The following CSGALNACT1 variants were observed in gnomAD, a reference collection of about 807,000 sequenced individuals.
CSGALNACT1 encodes beta4GalNAcT-1.
In CSGALNACT1, 52 loss-of-function variants were observed where a neutral mutation model predicts 51.0. The observed-to-expected ratio is 1.02, with a 90% confidence interval of 0.82 to 1.29. The LOEUF is 1.29. CSGALNACT1 is among the 50% of genes most tolerant of loss of function. The pLI is 0.00. For missense variants in CSGALNACT1, 935 were observed against 679.2 expected, an observed-to-expected ratio of 1.38 and a Z score of -4.19; for synonymous variants, 341 against 254.4, an observed-to-expected ratio of 1.34 and a Z score of -3.24.
intron 4 of CSGALNACT1, among the ~76,000 whole-genome samples, chr8:19,493,871 T>TATAC (rs2074924640): frequency 2.0e-5 from 3 of 149,002 alleles, no homozygotes; most frequent in African/African-American, 7.4e-5. Flanking sequence ...TGTGTGTTTA[T>TATAC]ACACACACAC....
chr8:19,528,030 G>A (rs1315657587), intron 3 of CSGALNACT1, among the ~76,000 whole-genome samples: 2 of 152,136 alleles, frequency 1.3e-5, no homozygotes, highest in African/African-American at 2.4e-5. Flanking sequence ...CCAGGAAGAG[G>A]AAATAAGCCT....
chr8:19,446,126 G>C (rs774794742), intron 5 of CSGALNACT1, among the ~76,000 whole-genome samples: 2 of 152,196 alleles, frequency 1.3e-5, no homozygotes, highest in Non-Finnish European at 2.9e-5. Context: ...AGTGAGCTGA[G>C]ATGGTGCCAG....
chr8:19,741,760 A>G (rs1420247847), intron 1 of CSGALNACT1, among the ~76,000 whole-genome samples: 2 of 152,190 alleles, frequency 1.3e-5, no homozygotes, highest in African/African-American at 4.8e-5. Context: ...GAACTTGTCT[A>G]CAGGAAAAGA....
chr8:19,697,738 G>C (rs748266689), intron 1 of CSGALNACT1, among the ~76,000 whole-genome samples: 2 of 152,130 alleles, frequency 1.3e-5, no homozygotes, highest in Non-Finnish European at 2.9e-5. Context: ...ATGTGGACTT[G>C]AAGGAGCTCA....
At chr8:19,664,358 G>C (rs986219261) in intron 1 of CSGALNACT1, among the ~76,000 whole-genome samples, 3 of 152,194 alleles carry the variant, frequency 2.0e-5, no homozygotes, top group African/African-American at 7.2e-5. Flanking sequence ...AGGAGGTGCA[G>C]AAAAGGCAAC....
At chr8:19,439,374 C>G (rs540589356) in intron 6 of CSGALNACT1, among the ~76,000 whole-genome samples, 5 of 152,298 alleles carry the variant, frequency 3.3e-5, no homozygotes, top group South Asian at 2.1e-4. Context: ...AATGAAAGCC[C>G]AAAGGGTGAG....
chr8:19,407,032 T>A (rs1456735637), intron 9 of CSGALNACT1, among the ~76,000 whole-genome samples: 1 of 152,156 alleles, frequency 6.6e-6, no homozygotes, highest in Non-Finnish European at 1.5e-5. Flanking sequence ...AATGTCCTTT[T>A]TGGGAAGCTG....
At chr8:19,489,394 A>G (rs1472302083) in intron 4 of CSGALNACT1, among the ~76,000 whole-genome samples, 4 of 152,140 alleles carry the variant, frequency 2.6e-5, no homozygotes, top group Non-Finnish European at 4.4e-5. Flanking sequence ...AAAAAATCAA[A>G]CAAAAATTTA....
At chr8:19,404,882 T>C (rs1193080541) in exon 10 of CSGALNACT1, 1 of 454,502 alleles carries the variant, frequency 2.2e-6, no homozygotes, top group South Asian at 1.6e-5. Context: ...TCGAAAATAC[T>C]CTTCAGAGAA....
chr8:19,457,725 A>G, intron 5 of CSGALNACT1: 2 of 1,344,308 alleles, frequency 1.5e-6, no homozygotes, highest in Non-Finnish European at 2.0e-6. Context: ...ATCCTCAGCC[A>G]ATATGTGCAT....
chr8:19,563,006 A>G (rs1362596967), intron 3 of CSGALNACT1, among the ~76,000 whole-genome samples: 1 of 152,228 alleles, frequency 6.6e-6, no homozygotes, highest in African/African-American at 2.4e-5. Flanking sequence ...TATTCACAAT[A>G]GCAAAGACAT....
Position 19,666,725 on chromosome 8 carries a change from AAG to A in CSGALNACT1, c.-544+15746_-544+15747del, listed in dbSNP as rs150511524. Among the ~76,000 whole-genome samples, 852 of 146,512 alleles carry A rather than the reference AAG, an allele frequency of 5.8e-3. 17 individuals carry two copies. Among genetic ancestry groups the A allele is most frequent in the African/African-American group, 0.021 (815 of 38,976 alleles). On this transcript the variant is annotated intron_variant, in intron 1 of 9. Coordinates refer to the CSGALNACT1 transcript ENST00000332246. ...GAGAAAGAGAGAAAAGACACAAAGA[AAG>A]ACAAGAAAGAAACACAAGAAACAAG...
Position 19,541,376 on chromosome 8 carries a change from G to A in CSGALNACT1, c.-296-35246C>T, listed in dbSNP as rs141548581. On this transcript the variant is annotated intron_variant, in intron 3 of 9. Coordinates refer to ENST00000454498, the Ensembl canonical transcript of CSGALNACT1. ...TGCCATTCTCCTGCCTCAGCCTCCC[G>A]AGCAGGTGGGACTACAGGCACTTGC... 9.0e-3 allele frequency among the ~76,000 whole-genome samples: 1,339 copies of A among 148,790 alleles called. 26 individuals carry two copies. Among genetic ancestry groups the A allele is most frequent in the African/African-American group, 0.032 (1,272 of 40,278 alleles).
chr8:19,442,410 G>A (rs564328481), intron 5 of CSGALNACT1, among the ~76,000 whole-genome samples: 2 of 152,218 alleles, frequency 1.3e-5, no homozygotes, highest in East Asian at 3.9e-4. Context: ...AAGAGCTCAT[G>A]TCCTTTGTAG....
At chr8:19,477,943 A>G (rs991971423) in intron 4 of CSGALNACT1, among the ~76,000 whole-genome samples, 6 of 152,204 alleles carry the variant, frequency 3.9e-5, no homozygotes, top group African/African-American at 1.4e-4. Flanking sequence ...ACAGTCAAAT[A>G]TATTTCATGA....
At chr8:19,700,041 G>C (rs1356996250) in intron 1 of CSGALNACT1, among the ~76,000 whole-genome samples, 1 of 150,020 alleles carries the variant, frequency 6.7e-6, no homozygotes, top group African/African-American at 2.5e-5. Context: ...GAACCCAGGA[G>C]ACAGAGGTTG....
chr8:19,686,993 T>C (rs1384825719), upstream of CSGALNACT1, among the ~76,000 whole-genome samples: 2 of 152,178 alleles, frequency 1.3e-5, no homozygotes, highest in Non-Finnish European at 2.9e-5. Flanking sequence ...ACAATATAGA[T>C]GCCCATATGC....
At chr8:19,615,303 C>A (rs1300059955) in intron 1 of CSGALNACT1, among the ~76,000 whole-genome samples, 1 of 152,152 alleles carries the variant, frequency 6.6e-6, no homozygotes, top group African/African-American at 2.4e-5. Flanking sequence ...ACTCCATCTC[C>A]ATCAATCAAC....
chr8:19,458,350 GGAGATGAC>G, intron 5 of CSGALNACT1, 68 bp downstream of exon 4: 1 of 1,168,594 alleles, frequency 8.6e-7, no homozygotes, highest in Non-Finnish European at 1.3e-6. Flanking sequence ...GGGAAATGAA[GGAGATGAC>G]GGGAAATGAT....
Sources: gnomAD v4.1 joint callset for allele counts (sites outside exome capture counted in the v4.1 genomes callset) on GRCh38, gnomAD v4.1.1 for gene constraint, MANE v1.5 for transcripts, NCBI Gene and HGNC (gene_info 2026-07-23, HGNC 2026-07-21) for gene names.